Variants in RSF1 observed in about 807,000 individuals in gnomAD.
RSF1 encodes the protein HBV pX-associated protein 8.
A neutral mutation model predicts 145.2 loss-of-function variants in RSF1; 13 were observed. That is an observed-to-expected ratio of 0.09 (90% CI 0.06 to 0.14). The LOEUF is 0.14. Ranked by LOEUF, RSF1 falls within the 10% of genes least tolerant of loss-of-function variation. The probability of loss-of-function intolerance (pLI) is 1.00; values close to 1 mark genes in which losing one functional copy is unlikely to be tolerated. For synonymous variants in RSF1, 577 were observed against 592.6 expected (o/e 0.97, Z 0.38); for missense variants, 1,517 against 1,718.2 (o/e 0.88, Z 2.07).
intron 1 of RSF1, among the ~76,000 whole-genome samples, chr11:77,803,260 G>A (rs749987422): frequency 1.3e-5 from 2 of 151,958 alleles, no homozygotes; most frequent in African/African-American, 2.4e-5. Flanking sequence ...TGATCCTCCC[G>A]CCTCAGTCCC....
chr11:77,869,958 C>T, the RSF1 span: 1 of 681,136 alleles, frequency 1.5e-6, no homozygotes, highest in Non-Finnish European at 2.6e-6. Context: ...AGTGGCTGCA[C>T]ACATTCCTCT....
the RSF1 span, chr11:77,851,000 G>A: frequency 1.5e-5 from 2 of 134,930 alleles, no homozygotes; most frequent in Admixed American, 8.2e-5. Context: ...CTGTGGCCCA[G>A]GCTGGAGTGC....
At chr11:77,680,637 C>A (rs1313701575) in intron 11 of RSF1, among the ~76,000 whole-genome samples, 1 of 152,160 alleles carries the variant, frequency 6.6e-6, no homozygotes, top group African/African-American at 2.4e-5. Context: ...TCAAAGGACT[C>A]ACAAATTTCA....
At chr11:77,763,295 C>G (rs1948193959) in intron 2 of RSF1, 1 of 146,578 alleles carries the variant, frequency 6.8e-6, no homozygotes, top group Non-Finnish European at 1.5e-5. Flanking sequence ...TGAGCCGAGA[C>G]AGCACCACTG....
chr11:77,747,229 G>A lies in RSF1; in HGVS notation c.280-101C>T, dbSNP rs1440441823. ...TTCTTGTTAATACATGTTTATAAAGGAAAGAGGTTACACTAAACAGTCCAA... is the reference window on the plus strand; with the variant it reads ...TTCTTGTTAATACATGTTTATAAAGAAAAGAGGTTACACTAAACAGTCCAA... On this transcript the variant is annotated intron_variant, in intron 2 of 15. Transcript: ENST00000308488. 4 of 707,986 alleles carry A rather than the reference G, an allele frequency of 5.6e-6. No homozygotes were observed. In the South Asian group the frequency reaches 6.8e-5, roughly 12 times the overall value. 43.9% of individuals were successfully genotyped at this position (707,986 alleles called of 1,614,324 possible).
chr11:77,794,928 G>C (rs954144577), intron 1 of RSF1, among the ~76,000 whole-genome samples: 3 of 152,190 alleles, frequency 2.0e-5, no homozygotes, highest in Admixed American at 2.0e-4. Flanking sequence ...CCTCTCTGCA[G>C]ATGATATGAC....
upstream of RSF1, among the ~76,000 whole-genome samples, chr11:77,821,912 G>T (rs868538172): frequency 6.6e-6 from 1 of 151,936 alleles, no homozygotes; most frequent in Non-Finnish European, 1.5e-5. Flanking sequence ...TTATTTCTTT[G>T]AACTCCTTAG....
chr11:77,823,071 G>A (rs967354449), upstream of RSF1, among the ~76,000 whole-genome samples: 1 of 151,910 alleles, frequency 6.6e-6, no homozygotes, highest in South Asian at 2.1e-4. Flanking sequence ...AAAATTAGCC[G>A]GGCGTGGTGG....
At chr11:77,862,024 T>C in the RSF1 span, among the ~76,000 whole-genome samples, 1 of 152,132 alleles carries the variant, frequency 6.6e-6, no homozygotes, top group Non-Finnish European at 1.5e-5. Flanking sequence ...GGCGGTAGGA[T>C]TTTCTTCCTT....
the RSF1 span, among the ~76,000 whole-genome samples, chr11:77,853,011 A>AT: frequency 1.5e-4 from 22 of 151,314 alleles, no homozygotes; most frequent in African/African-American, 3.6e-4. Flanking sequence ...AACCATGTAC[A>AT]TTTTTTTTTG....
At chr11:77,849,315 G>A in the RSF1 span, among the ~76,000 whole-genome samples, 85 of 152,082 alleles carry the variant, frequency 5.6e-4, no homozygotes, top group African/African-American at 1.9e-3. Context: ...TCTGACTCCC[G>A]GGTTCAAGCG....
At chr11:77,780,889 A>C (rs2135956289) in intron 1 of RSF1, among the ~76,000 whole-genome samples, 1 of 151,594 alleles carries the variant, frequency 6.6e-6, no homozygotes, top group African/African-American at 2.4e-5. Flanking sequence ...CTTTGCAGTC[A>C]GTCACCCCAC....
intron 4 of RSF1, among the ~76,000 whole-genome samples, chr11:77,729,895 CAAAA>C (rs398045289): frequency 9.0e-4 from 44 of 48,934 alleles, no homozygotes; most frequent in East Asian, 3.8e-3. Context: ...ATTCAGTAGG[CAAAA>C]AAAAAAAAAA....
chr11:77,759,273 G>A (rs1292061418), intron 2 of RSF1, among the ~76,000 whole-genome samples: 1 of 152,222 alleles, frequency 6.6e-6, no homozygotes, highest in Admixed American at 6.5e-5. Context: ...CACTTTGGGA[G>A]GCCAAGGCAG....
At chr11:77,748,228 T>C (rs201523098) in intron 2 of RSF1, among the ~76,000 whole-genome samples, 59 of 145,114 alleles carry the variant, frequency 4.1e-4, no homozygotes, top group Non-Finnish European at 7.2e-4. Context: ...TTTTTTTTTT[T>C]CTTTTTTTTT....
intron 11 of RSF1, 82 bp downstream of exon 11, chr11:77,683,628 A>G (rs1959927032): frequency 1.2e-6 from 1 of 835,996 alleles, no homozygotes; most frequent in African/African-American, 1.7e-5. Context: ...AGCATGATAG[A>G]AAAAGCATAT....
chr11:77,670,250 C>A (rs1959485754), intron 15 of RSF1, among the ~76,000 whole-genome samples: 1 of 152,214 alleles, frequency 6.6e-6, no homozygotes, highest in South Asian at 2.1e-4. Flanking sequence ...AACAACCCTG[C>A]ACTCCCTTCT....
chr11:77,804,065 G>C (rs1948653386), intron 1 of RSF1, among the ~76,000 whole-genome samples: 1 of 152,136 alleles, frequency 6.6e-6, no homozygotes, highest in Non-Finnish European at 1.5e-5. Context: ...GCAACACCCT[G>C]CCTGAAAAGA....
At chr11:77,735,149 C>T (rs1041794229) in intron 4 of RSF1, 18 of 698,410 alleles carry the variant, frequency 2.6e-5, no homozygotes, top group East Asian at 8.2e-5. Flanking sequence ...TATGGGCGGC[C>T]GGCTGGGGTG....
Sources: gnomAD v4.1 joint callset for allele counts (sites outside exome capture counted in the v4.1 genomes callset) on GRCh38, gnomAD v4.1.1 for gene constraint, MANE v1.5 for transcripts, NCBI Gene and HGNC (gene_info 2026-07-23, HGNC 2026-07-21) for gene names.